TMED10: variants seen among roughly 807,000 people sequenced by gnomAD.
TMED10 encodes transmembrane p24 trafficking protein 10.
In TMED10, 7 loss-of-function variants were observed where a neutral mutation model predicts 23.1. The ratio of observed to expected loss-of-function variants is 0.30; its 90% CI spans 0.17 to 0.57. The LOEUF (loss-of-function observed/expected upper bound fraction) is 0.57. Ranked by LOEUF, TMED10 falls within the 20% of genes least tolerant of loss-of-function variation. The pLI is 0.91. For missense variants in TMED10, 162 were observed against 274.8 expected (o/e 0.59, Z 2.90); for synonymous variants, 113 against 106.9 (o/e 1.06, Z -0.35).
At chr14:75,153,212 C>T (rs1279991534) in intron 1 of TMED10, among the ~76,000 whole-genome samples, 1 of 152,070 alleles carries the variant, frequency 6.6e-6, no homozygotes, top group African/African-American at 2.4e-5. Flanking sequence ...CACCTATAGT[C>T]CCAGGTACTG....
rs1555355307 is a variant in TMED10, at chr14:75,132,384, T to TTCC, written c.*2500_*2501insGGA. The TTCC allele has an allele frequency of 1.1e-4, 6 of 52,904 alleles. No individual in the cohort carries two copies. Among genetic ancestry groups the TTCC allele is most frequent in the African/African-American group, 3.1e-4 (4 of 12,906 alleles). 3.3% of individuals were successfully genotyped at this position (52,904 alleles called of 1,614,324 possible). ...GCCTGGGCGTTGCAGCAAGACTCCGTCCCCCCCCCCCCAAAAAAAAAAAAG... is the reference window on the plus strand; with the variant it reads ...GCCTGGGCGTTGCAGCAAGACTCCGTTCCCCCCCCCCCCCCAAAAAAAAAAAAG... On this transcript the variant is annotated 3_prime_UTR_variant, in exon 5 of 5. Transcript: ENST00000303575.
intron 1 of TMED10, among the ~76,000 whole-genome samples, chr14:75,160,437 A>AGAT (rs1896072252): frequency 2.0e-5 from 3 of 152,186 alleles, no homozygotes; most frequent in South Asian, 2.1e-4. Context: ...TGTTCTAATT[A>AGAT]CAGATCACCT....
intron 1 of TMED10, chr14:75,175,975 C>G (rs1896299965): frequency 3.4e-6 from 1 of 289,998 alleles, no homozygotes. Context: ...CTTTACTTTC[C>G]TGCAGGTATC....
chr14:75,168,026 T>C (rs868311035), intron 1 of TMED10, among the ~76,000 whole-genome samples: 3 of 152,166 alleles, frequency 2.0e-5, no homozygotes, highest in South Asian at 4.1e-4. Context: ...TAGGGAAGTA[T>C]GGAATAGACT....
chr14:75,172,987 G>A (rs944731785), intron 1 of TMED10, among the ~76,000 whole-genome samples: 5 of 152,148 alleles, frequency 3.3e-5, no homozygotes, highest in South Asian at 4.1e-4. Flanking sequence ...CATGGCCCTC[G>A]GGTGGGCCGG....
chr14:75,148,850 G>A (rs1371696973), intron 2 of TMED10, among the ~76,000 whole-genome samples: 3 of 152,208 alleles, frequency 2.0e-5, no homozygotes, highest in Non-Finnish European at 4.4e-5. Context: ...AAGTTCATGT[G>A]TTGGAAACTT....
chr14:75,138,812 C>CTTTTT (rs59707221), intron 3 of TMED10, among the ~76,000 whole-genome samples: 1,507 of 94,196 alleles, frequency 0.016, 2 homozygotes, highest in Non-Finnish European at 0.018. Flanking sequence ...GCCTTTGCTT[C>CTTTTT]TTTTTTTTTT....
At chr14:75,138,496 T>G (rs898706218) in intron 3 of TMED10, among the ~76,000 whole-genome samples, 35 of 152,162 alleles carry the variant, frequency 2.3e-4, no homozygotes, top group Admixed American at 5.9e-4. Context: ...TAACCCAGAA[T>G]ATATATCTGT....
chr14:75,135,638 A>G, intron 4 of TMED10, 122 bp downstream of exon 4: 1 of 1,375,682 alleles, frequency 7.3e-7, no homozygotes, highest in South Asian at 1.4e-5. Context: ...CAGCGAAGCA[A>G]GCAATTTCCC....
At chr14:75,167,801 T>C (rs1452283793) in intron 1 of TMED10, among the ~76,000 whole-genome samples, 1 of 152,108 alleles carries the variant, frequency 6.6e-6, no homozygotes, top group Admixed American at 6.6e-5. Flanking sequence ...GCTATGATCA[T>C]GCCACTGCAC....
chr14:75,145,377 A>G (rs964700675), intron 3 of TMED10, among the ~76,000 whole-genome samples: 1 of 152,202 alleles, frequency 6.6e-6, no homozygotes, highest in Non-Finnish European at 1.5e-5. Context: ...CTAAAATGCT[A>G]TACGACAGCT....
chr14:75,141,035 A>G (rs541011254), intron 3 of TMED10, among the ~76,000 whole-genome samples: 6 of 152,264 alleles, frequency 3.9e-5, no homozygotes, highest in South Asian at 4.1e-4. Context: ...AGTTCTTATT[A>G]TGTGCAAGGT....
rs753815388 is a variant in TMED10, at chr14:75,176,572, C to T, written c.8G>A (p.Gly3Asp). Reference protein sequence around the residue: MSGLSGPPARRGP... With the variant: MSDLSGPPARRGP... ...GCGCCGGGCTGGTGGGCCAGACAAA[C>T]CAGACATGGTGCTGGAGACTCGTTC... Residue 3 changes from glycine to aspartate, a missense_variant, in exon 1 of 5, where the codon GGT becomes GAT. By Grantham distance (94) the Gly-to-Asp change is moderately conservative (BLOSUM62 -1). Transcript: ENST00000303575. The T allele has an allele frequency of 3.1e-6, 5 of 1,613,996 alleles. No individual in the cohort carries two copies. Among genetic ancestry groups the T allele is most frequent in the South Asian group, 1.1e-5 (1 of 91,080 alleles).
At chr14:75,162,033 G>C (rs74624644) in intron 1 of TMED10, among the ~76,000 whole-genome samples, 1 of 151,448 alleles carries the variant, frequency 6.6e-6, no homozygotes, top group Non-Finnish European at 1.5e-5. Flanking sequence ...GGGGCGGGGT[G>C]GGGGGCAGAT....
chr14:75,151,196 C>T (rs576222148), intron 2 of TMED10, among the ~76,000 whole-genome samples: 6 of 150,896 alleles, frequency 4.0e-5, no homozygotes, highest in East Asian at 3.9e-4. Flanking sequence ...TGAGTCACTG[C>T]GCCCGGCCAG....
At chr14:75,166,602 C>CTTCA (rs1488309374) in intron 1 of TMED10, among the ~76,000 whole-genome samples, 1 of 152,162 alleles carries the variant, frequency 6.6e-6, no homozygotes, top group Non-Finnish European at 1.5e-5. Flanking sequence ...CAACTGTTTA[C>CTTCA]TGAATAAGAG....
At chr14:75,149,280 G>A (rs550566747) in intron 2 of TMED10, among the ~76,000 whole-genome samples, 3 of 152,308 alleles carry the variant, frequency 2.0e-5, no homozygotes, top group African/African-American at 4.8e-5. Flanking sequence ...TAGATTTAAT[G>A]TCATTATCAT....
chr14:75,154,401 CA>C (rs1166201835), intron 1 of TMED10, among the ~76,000 whole-genome samples: 45 of 15,232 alleles, frequency 3.0e-3, no homozygotes, highest in South Asian at 8.1e-3. Context: ...GACTCTGTCT[CA>C]AAAAAAAAAA....
At chr14:75,145,045 T>G (rs1349618772) in intron 3 of TMED10, among the ~76,000 whole-genome samples, 1 of 152,210 alleles carries the variant, frequency 6.6e-6, no homozygotes, top group Non-Finnish European at 1.5e-5. Flanking sequence ...TCATAGCCAT[T>G]CCTCCTCTAC....
Sources: allele counts gnomAD v4.1 joint callset (sites outside exome capture counted in the v4.1 genomes callset), GRCh38; gene constraint gnomAD v4.1.1; transcripts MANE v1.5; gene names NCBI Gene and HGNC (gene_info 2026-07-23, HGNC 2026-07-21).